The following TAF4B variants were observed in gnomAD, a reference collection of about 807,000 sequenced individuals.
TAF4B encodes transcription initiation factor TFIID subunit 4B.
In TAF4B, 38 loss-of-function variants were observed where a neutral mutation model predicts 86.4. The ratio of observed to expected loss-of-function variants is 0.44; its 90% confidence interval spans 0.34 to 0.58. The LOEUF (loss-of-function observed/expected upper bound fraction) is 0.58. Among genes scored for constraint, TAF4B ranks in the 20% least tolerant of loss-of-function variants. The pLI, the probability that TAF4B is intolerant of heterozygous loss-of-function variation, is 0.02. For synonymous variants in TAF4B, 388 were observed against 391.2 expected (o/e 0.99, Z 0.10); for missense variants, 988 against 1,027.6 (o/e 0.96, Z 0.53).
chr18:26,333,778 G>A (rs1568158618), intron 12 of TAF4B, among the ~76,000 whole-genome samples: 1 of 151,986 alleles, frequency 6.6e-6, no homozygotes, highest in Non-Finnish European at 1.5e-5. Flanking sequence ...TATCATAAAT[G>A]TGTTTCATTT....
intron 1 of TAF4B, among the ~76,000 whole-genome samples, chr18:26,246,043 C>T (rs907251433): frequency 3.3e-5 from 5 of 152,198 alleles, no homozygotes; most frequent in African/African-American, 7.2e-5. Flanking sequence ...ATATTTCAAT[C>T]GGCATTGCTA....
chr18:26,281,865 T>C (rs912583784), intron 5 of TAF4B, 106 bp from the exon 6 acceptor site: 7 of 739,384 alleles, frequency 9.5e-6, no homozygotes, highest in African/African-American at 1.8e-5. Context: ...TAATTGACTT[T>C]ATCATTTGTG....
At chr18:26,264,879 T>C (rs2056216707) in intron 1 of TAF4B, among the ~76,000 whole-genome samples, 1 of 152,230 alleles carries the variant, frequency 6.6e-6, no homozygotes, top group African/African-American at 2.4e-5. Context: ...AGTCTTATGC[T>C]GTTAACTACA....
chr18:26,372,449 T>C (rs1007272751), intron 14 of TAF4B, among the ~76,000 whole-genome samples: 2 of 152,224 alleles, frequency 1.3e-5, no homozygotes, highest in South Asian at 2.1e-4. Context: ...TATGCAGATA[T>C]TGATCTGGCA....
chr18:26,280,181 T>G (rs1357099331), intron 5 of TAF4B, among the ~76,000 whole-genome samples: 2 of 152,106 alleles, frequency 1.3e-5, no homozygotes, highest in Non-Finnish European at 2.9e-5. Flanking sequence ...GGATTAAAGA[T>G]TTAAATGTAA....
chr18:26,340,370 G>A (rs948319542), intron 13 of TAF4B, among the ~76,000 whole-genome samples: 1 of 152,106 alleles, frequency 6.6e-6, no homozygotes, highest in Non-Finnish European at 1.5e-5. Flanking sequence ...GTTCTACATG[G>A]CCAAAACTCA....
chr18:26,367,990 A>G (rs1375991765), intron 14 of TAF4B, among the ~76,000 whole-genome samples: 1 of 152,146 alleles, frequency 6.6e-6, no homozygotes, highest in Non-Finnish European at 1.5e-5. Flanking sequence ...GCAATTTTTT[A>G]TTTATTGCAT....
At chr18:26,347,032 T>G (rs903615065) in intron 13 of TAF4B, among the ~76,000 whole-genome samples, 6 of 148,242 alleles carry the variant, frequency 4.0e-5, no homozygotes, top group Non-Finnish European at 8.9e-5. Context: ...GCCATTCTCC[T>G]GCGTCAGCCT....
intron 1 of TAF4B, among the ~76,000 whole-genome samples, chr18:26,250,957 C>CT (rs1412468094): frequency 6.6e-6 from 1 of 151,998 alleles, no homozygotes; most frequent in Non-Finnish European, 1.5e-5. Flanking sequence ...TTAATTTTTT[C>CT]TTTTATTTAT....
intron 14 of TAF4B, among the ~76,000 whole-genome samples, chr18:26,362,788 CAT>C (rs1249986751): frequency 1.3e-5 from 2 of 152,134 alleles, no homozygotes; most frequent in Non-Finnish European, 2.9e-5. Flanking sequence ...AGATAATAGT[CAT>C]ATAATCAGTC....
rs529285264 is a variant in TAF4B at position 26,391,223 on chromosome 18, A to G, written c.*1211A>G. 7 of 152,178 alleles carry G rather than the reference A, an allele frequency of 4.6e-5. No individual in the cohort carries two copies. The South Asian group carries it at 6.2e-4, about 14-fold the overall frequency. The allele number at this position is 152,178 out of a possible 1,614,324, so 9.4% of individuals were successfully genotyped here. A position where few individuals can be genotyped will look rare whatever the true frequency, so the allele number is the denominator to read the frequency against. On this transcript the variant is annotated 3_prime_UTR_variant, in exon 15 of 15. Coordinates refer to ENST00000269142, the MANE Select transcript of TAF4B (RefSeq NM_005640.3). ...AAGCAAACCCTCTTTAAAAAAAAAA[A>G]AAAGAAAATTCCACGTGTGTGGAAT...
At chr18:26,322,108 G>A (rs1050373200) in intron 11 of TAF4B, among the ~76,000 whole-genome samples, 8 of 152,010 alleles carry the variant, frequency 5.3e-5, no homozygotes, top group African/African-American at 1.9e-4. Flanking sequence ...TCCAAGAAAT[G>A]TTTATAGCTA....
At chr18:26,356,649 C>T (rs1397836376) in intron 13 of TAF4B, among the ~76,000 whole-genome samples, 1 of 152,062 alleles carries the variant, frequency 6.6e-6, no homozygotes, top group African/African-American at 2.4e-5. Context: ...GACTGTCAAC[C>T]AGCCCCAGAT....
intron 1 of TAF4B, among the ~76,000 whole-genome samples, chr18:26,263,716 TC>T (rs564450296): frequency 1.4e-4 from 21 of 152,060 alleles, no homozygotes; most frequent in African/African-American, 4.8e-4. Context: ...TCTCTTTCTC[TC>T]TCTCTCTCTC....
intron 3 of TAF4B, among the ~76,000 whole-genome samples, chr18:26,272,211 A>G (rs74791402): frequency 0.078 from 11,918 of 152,246 alleles, 571 homozygotes; most frequent in Non-Finnish European, 0.1. Context: ...TATCAAGATC[A>G]TCAGGCATTA....
At chr18:26,376,936 C>G (rs74364740) in intron 14 of TAF4B, among the ~76,000 whole-genome samples, 1 of 151,808 alleles carries the variant, frequency 6.6e-6, no homozygotes, top group Non-Finnish European at 1.5e-5. Flanking sequence ...TTGAGATGAT[C>G]GTGCTTTTTT....
At chr18:26,312,627 C>T (rs1292687836) in intron 9 of TAF4B, among the ~76,000 whole-genome samples, 2 of 152,158 alleles carry the variant, frequency 1.3e-5, no homozygotes, top group African/African-American at 4.8e-5. Context: ...GTAGGCCTGG[C>T]ACTGGTCTTG....
chr18:26,371,596 T>C (rs2057406174), intron 14 of TAF4B, among the ~76,000 whole-genome samples: 1 of 152,204 alleles, frequency 6.6e-6, no homozygotes, highest in Non-Finnish European at 1.5e-5. Context: ...GTAATCAGAA[T>C]AGTCTGAGCT....
At chr18:26,280,583 C>G (rs906550108) in intron 5 of TAF4B, among the ~76,000 whole-genome samples, 1 of 152,076 alleles carries the variant, frequency 6.6e-6, no homozygotes, top group Non-Finnish European at 1.5e-5. Flanking sequence ...CAGAGAAATG[C>G]AAATCAGAAC....
Sources: gnomAD v4.1 joint callset for allele counts (sites outside exome capture counted in the v4.1 genomes callset) on GRCh38, gnomAD v4.1.1 for gene constraint, MANE v1.5 for transcripts, NCBI Gene and HGNC (gene_info 2026-07-23, HGNC 2026-07-21) for gene names.